The following MCM6 variants were observed in gnomAD, a reference collection of about 807,000 sequenced individuals.
The protein encoded by MCM6 is minichromosome maintenance complex component 6.
MCM6 carries 46 observed loss-of-function variants against 94.3 expected under a neutral mutation model. The ratio of observed to expected loss-of-function variants is 0.49; its 90% CI spans 0.39 to 0.62. MCM6 has a LOEUF of 0.62. MCM6 is among the 20% of genes least tolerant of loss of function. MCM6 has a pLI of 0.00. For missense variants in MCM6, 865 were observed against 1,017.9 expected (o/e 0.85, Z 2.04); for synonymous variants, 335 against 351.9 (o/e 0.95, Z 0.54).
intron 11 of MCM6, among the ~76,000 whole-genome samples, chr2:135,855,471 A>C (rs1406137001): frequency 6.6e-6 from 1 of 152,050 alleles, no homozygotes; most frequent in Non-Finnish European, 1.5e-5. Context: ...TTCAAGACCA[A>C]CACGGGTCTT....
intron 3 of MCM6, 26 bp from the exon 4 acceptor site, chr2:135,868,886 G>A: frequency 1.9e-6 from 3 of 1,604,694 alleles, no homozygotes; most frequent in South Asian, 1.1e-5. Context: ...TGTCCCATTA[G>A]TAAACATTCA....
intron 12 of MCM6, 120 bp downstream of exon 12, chr2:135,852,667 T>C (rs3087351): frequency 1.2e-5 from 8 of 692,438 alleles, no homozygotes; most frequent in Admixed American, 4.3e-5. Flanking sequence ...AAAAAAAAAG[T>C]TGTAAAATTT....
At chr2:135,876,206 C>G in intron 1 of MCM6, 53 bp downstream of exon 1, 1 of 1,447,992 alleles carries the variant, frequency 6.9e-7, no homozygotes, top group Non-Finnish European at 9.2e-7. Flanking sequence ...CCGCCTGGCC[C>G]AGACGCCGCA....
In MCM6 at chr2:135,866,589, G is replaced by A. The variant is rs1680098605; in HGVS notation, c.755C>T (p.Pro252Leu). The change falls in exon 5 of 17, where the codon CCT becomes CTT. Residue 252 changes from proline (P) to leucine (L), a missense_variant. Pro to Leu is a moderately conservative substitution (Grantham distance 98, BLOSUM62 -3). Transcript: ENST00000264156. The stretch of plus-strand genomic sequence containing the variant: ...TGGTGTGCTAAGCTTGGAGACGTCA[G>A]GCACAACAATCAGTGTCCCTGTAAA... ...CDFTGTLIVV[P>L]DVSKLSTPGA... The A allele has an allele frequency of 6.2e-7, 1 of 1,613,316 alleles. No individual in the cohort carries two copies. Among genetic ancestry groups the A allele is most frequent in the Non-Finnish European group, 8.5e-7 (1 of 1,179,808 alleles).
At chr2:135,843,485 C>A (rs368494864) in intron 16 of MCM6, among the ~76,000 whole-genome samples, 11 of 152,078 alleles carry the variant, frequency 7.2e-5, no homozygotes, top group Admixed American at 4.6e-4. Context: ...GTAATCCCAG[C>A]AGTTTGGGAG....
At position 135,848,995 on chromosome 2, in the gene MCM6, A is replaced by C. The variant is rs139092028; in HGVS notation, c.1918-807T>G. Among the ~76,000 whole-genome samples the C allele has an allele frequency of 3.3e-4, 51 of 152,364 alleles. No individual in the cohort carries two copies. In the East Asian group the frequency reaches 6.4e-3, roughly 19 times the overall value. ...AACATGATAAAATATCAAGAAATTC[A>C]ACAAGAAACACTGAAAAACATATGA... On this transcript the variant is annotated intron_variant, in intron 13 of 16. Transcript: ENST00000264156.
intron 12 of MCM6, among the ~76,000 whole-genome samples, chr2:135,852,222 GAAGTC>G (rs1195233753): frequency 1.3e-5 from 2 of 152,182 alleles, no homozygotes; most frequent in African/African-American, 4.8e-5. Context: ...ACACCTTCCA[GAAGTC>G]AAGTTAGCCA....
chr2:135,871,925 C>A lies in MCM6; in HGVS notation c.254+772G>T, dbSNP rs572650872. On this transcript the variant is annotated intron_variant, in intron 2 of 16. Transcript: ENST00000264156. ...TCTTCTCCATTTTCTACAATATATA[C>A]CTATTACTTTTATAAGCGAAAACAA... Among the ~76,000 whole-genome samples the A allele has an allele frequency of 2.1e-4, 32 of 152,208 alleles. 1 individual carries two copies. The East Asian group carries it at 5.6e-3, about 27-fold the overall frequency.
rs566171186 is a variant in MCM6 at position 135,844,926 on chromosome 2, T to G, written c.2210-242A>C. On this transcript the variant is annotated intron_variant, in intron 15 of 16. Transcript: ENST00000264156. ...AGGAGAGAAACCTAATAAAATAGAT[T>G]ATAAGAAATATGTTTCTTAAAGCTA... Among the ~76,000 whole-genome samples, 41 of 152,312 alleles carry G rather than the reference T, an allele frequency of 2.7e-4. No homozygotes were observed. In the South Asian group the frequency reaches 8.5e-3, roughly 32 times the overall value.
intron 15 of MCM6, 45 bp from the exon 16 acceptor site, chr2:135,844,729 G>C (rs1158316052): frequency 1.3e-6 from 2 of 1,485,326 alleles, no homozygotes; most frequent in African/African-American, 1.4e-5. Flanking sequence ...AACTCGTACT[G>C]TCAGTCCTTG....
intron 14 of MCM6, among the ~76,000 whole-genome samples, chr2:135,846,891 C>A (rs1679681341): frequency 6.6e-6 from 1 of 151,858 alleles, no homozygotes; most frequent in Non-Finnish European, 1.5e-5. Flanking sequence ...GTAATCCCAG[C>A]TACTCGGAAG....
At chr2:135,868,883 T>C (rs1209614626) in intron 3 of MCM6, 23 bp from the exon 4 acceptor site, 2 of 1,605,568 alleles carry the variant, frequency 1.2e-6, no homozygotes, top group Admixed American at 1.7e-5. Flanking sequence ...AAATGTCCCA[T>C]TAGTAAACAT....
Position 135,844,764 on chromosome 2 carries a change from C to G in MCM6, c.2210-80G>C, listed in dbSNP as rs996727115. 3 of 1,377,600 alleles carry G rather than the reference C, an allele frequency of 2.2e-6. No homozygotes were observed. The African/African-American group carries it at 4.4e-5, about 20-fold the overall frequency. 85.3% of individuals were successfully genotyped at this position (1,377,600 alleles called of 1,614,324 possible). On this transcript the variant is annotated intron_variant, in intron 15 of 16. Transcript: ENST00000264156. ...GGGTAAATCTCTGCCACATATACAA[C>G]GAGATAATGTACAGATTAGATAAAT...
At chr2:135,871,761 CA>C (rs778960824) in intron 2 of MCM6, among the ~76,000 whole-genome samples, 4 of 152,136 alleles carry the variant, frequency 2.6e-5, no homozygotes, top group Admixed American at 1.3e-4. Context: ...AGCATACACA[CA>C]AAGACATCAA....
In MCM6 at chr2:135,870,264, G is replaced by A; in HGVS notation, c.352C>T (p.Pro118Ser). 6.2e-7 allele frequency: 1 copy of A among 1,611,642 alleles called. No individual in the cohort carries two copies. Among genetic ancestry groups the A allele is most frequent in the Non-Finnish European group, 8.5e-7 (1 of 1,177,820 alleles). Residue 118 changes from proline (P) to serine (S), a missense_variant, in exon 3 of 17, where the codon CCT becomes TCT. By Grantham distance (74) the Pro-to-Ser change is moderately conservative. Coordinates refer to ENST00000264156, the MANE Select transcript of MCM6 (RefSeq NM_005915.6). ...KDFYVAFQDLPTRHKIRELTS... is the reference protein window; with the variant it reads ...KDFYVAFQDLSTRHKIRELTS... ...AGGGTTTCTTACTTGTGTCTGGTAG[G>A]CAGGTCTTGGAATGCAACATAAAAA...
intron 13 of MCM6, among the ~76,000 whole-genome samples, chr2:135,850,813 T>G (rs1163489081): frequency 6.6e-6 from 1 of 152,156 alleles, no homozygotes; most frequent in Non-Finnish European, 1.5e-5. Flanking sequence ...TTATAAATTA[T>G]ACCTCAGTCA....
At chr2:135,866,020 T>G in intron 6 of MCM6, 112 bp downstream of exon 6, 1 of 1,206,960 alleles carries the variant, frequency 8.3e-7, no homozygotes, top group Non-Finnish European at 1.2e-6. Flanking sequence ...TAGGATCACT[T>G]GAGCCCAGAA....
At position 135,856,778 on chromosome 2, in the gene MCM6, T is replaced by C; in HGVS notation, c.1576A>G (p.Ile526Val). The C allele has an allele frequency of 6.2e-7, 1 of 1,614,220 alleles. No homozygotes were observed. The highest frequency in any genetic ancestry group is 8.5e-7 in the Non-Finnish European group (1 of 1,180,050). ...AAGAAGAGATCGAATCGGGACATGATGGGAGCTGACAAATTTATATTCTGT... is the reference window on the plus strand; with the variant it reads ...AAGAAGAGATCGAATCGGGACATGACGGGAGCTGACAAATTTATATTCTGT... ...LKQNINLSAP[I>V]MSRFDLFFIL... Residue 526 changes from isoleucine to valine, a missense_variant, in exon 11 of 17, where the codon ATC becomes GTC. By Grantham distance (29) the Ile-to-Val change is conservative (BLOSUM62 3). This residue lies in a region of MCM6 where 153 missense variants were observed against 241.5 expected (regional missense o/e 0.63). Transcript: ENST00000264156.
In MCM6 at chr2:135,865,121, T is replaced by C. The variant is rs1445764109; in HGVS notation, c.970A>G (p.Ser324Gly). The change falls in exon 7 of 17, where the codon AGC becomes GGC. Residue 324 changes from serine to glycine, a missense_variant. Coordinates refer to ENST00000264156, the MANE Select transcript of MCM6 (RefSeq NM_005915.6). ...ELRDEEQTAE[S>G]IKNQMTVKEW... ...TTCACAGTCATTTGGTTCTTAATGC[T>C]CTCAGCTGTCTGTTCCTCATCTCTG... 10 of 1,575,218 alleles carry C rather than the reference T, an allele frequency of 6.3e-6. No homozygotes were observed. The Admixed American group carries it at 9.3e-5, about 15-fold the overall frequency.
Sources: gnomAD v4.1 joint callset for allele counts (sites outside exome capture counted in the v4.1 genomes callset) on GRCh38, gnomAD v4.1.1 for gene constraint, gnomAD v4.1.1 regional missense constraint, MANE v1.5 for transcripts, NCBI Gene and HGNC (gene_info 2026-07-23, HGNC 2026-07-21) for gene names.